The following PDE1A variants were observed in gnomAD, a reference collection of about 807,000 sequenced individuals.
The protein encoded by PDE1A is phosphodiesterase 1A.
PDE1A carries 35 observed loss-of-function variants against 61.7 expected under a neutral mutation model. That is an observed-to-expected ratio of 0.57 (90% CI 0.43 to 0.75). The LOEUF (loss-of-function observed/expected upper bound fraction) is 0.75, where lower values mean the gene tolerates loss of function less well. Among genes scored for constraint, PDE1A ranks in the 30% least tolerant of loss-of-function variants. PDE1A has a pLI of 0.00. For missense variants in PDE1A, 597 were observed against 630.6 expected, an observed-to-expected ratio of 0.95 and a Z score of 0.57; for synonymous variants, 232 against 213.2, an observed-to-expected ratio of 1.09 and a Z score of -0.77.
At chr2:182,326,593 G>C (rs1356419497) in intron 1 of PDE1A, among the ~76,000 whole-genome samples, 1 of 152,174 alleles carries the variant, frequency 6.6e-6, no homozygotes, top group East Asian at 1.9e-4. Context: ...TGGATACAGA[G>C]TTTCAGTTTG....
chr2:182,262,611 T>G (rs1176236128), intron 2 of PDE1A, among the ~76,000 whole-genome samples: 1 of 152,152 alleles, frequency 6.6e-6, no homozygotes, highest in African/African-American at 2.4e-5. Flanking sequence ...TATGCTTTAG[T>G]AGAGGAGTTT....
chr2:182,709,669 T>C, the PDE1A span, among the ~76,000 whole-genome samples: 1 of 151,648 alleles, frequency 6.6e-6, no homozygotes, highest in African/African-American at 2.4e-5. Context: ...ACTGAAAAAA[T>C]GAAATGAAAT....
At chr2:182,327,267 G>A (rs985015650) in intron 1 of PDE1A, among the ~76,000 whole-genome samples, 3 of 152,136 alleles carry the variant, frequency 2.0e-5, no homozygotes, top group South Asian at 2.1e-4. Flanking sequence ...GGAGCAAGTC[G>A]AAGTGTATTG....
chr2:182,660,558 GT>G, the PDE1A span, among the ~76,000 whole-genome samples: 1 of 152,296 alleles, frequency 6.6e-6, no homozygotes, highest in South Asian at 2.1e-4. Flanking sequence ...GGTTACCTTA[GT>G]TGTTCTGACC....
intron 1 of PDE1A, among the ~76,000 whole-genome samples, chr2:182,294,827 A>G (rs1694767250): frequency 6.6e-6 from 1 of 152,126 alleles, no homozygotes; most frequent in Admixed American, 6.5e-5. Context: ...GTGTTTACAG[A>G]GGTGAGCCAT....
the PDE1A span, among the ~76,000 whole-genome samples, chr2:182,552,304 C>G: frequency 6.6e-6 from 1 of 152,050 alleles, no homozygotes; most frequent in Non-Finnish European, 1.5e-5. Flanking sequence ...TAAGCAACTC[C>G]CCAAATTTTC....
chr2:182,621,864 G>T, the PDE1A span, among the ~76,000 whole-genome samples: 1 of 152,116 alleles, frequency 6.6e-6, no homozygotes, highest in Non-Finnish European at 1.5e-5. Flanking sequence ...TACAGGATGT[G>T]AATTACAGTT....
chr2:182,344,108 G>C (rs1211329179), intron 1 of PDE1A, among the ~76,000 whole-genome samples: 3 of 152,102 alleles, frequency 2.0e-5, no homozygotes, highest in South Asian at 2.1e-4. Flanking sequence ...CTGGGTTCAA[G>C]TAATTCTCCT....
the PDE1A span, among the ~76,000 whole-genome samples, chr2:182,640,308 C>A: frequency 6.6e-6 from 1 of 152,154 alleles, no homozygotes; most frequent in Non-Finnish European, 1.5e-5. Context: ...AAATATATTT[C>A]TCTTAGAACT....
At chr2:182,160,388 G>A (rs1443138612) in intron 13 of PDE1A, among the ~76,000 whole-genome samples, 1 of 152,138 alleles carries the variant, frequency 6.6e-6, no homozygotes, top group African/African-American at 2.4e-5. Flanking sequence ...ATGTGGGCAG[G>A]CACCATCCAG....
the PDE1A span, among the ~76,000 whole-genome samples, chr2:182,632,766 C>T: frequency 6.6e-6 from 1 of 152,136 alleles, no homozygotes; most frequent in Admixed American, 6.5e-5. Context: ...TATAAATACA[C>T]AAGTTTACTT....
downstream of PDE1A, among the ~76,000 whole-genome samples, chr2:182,144,680 G>A (rs541534730): frequency 6.6e-6 from 1 of 152,266 alleles, no homozygotes; most frequent in Admixed American, 6.5e-5. Flanking sequence ...TTTCTGTGAT[G>A]GCAGCCAGCA....
chr2:182,366,193 T>A (rs573325703), intron 1 of PDE1A, among the ~76,000 whole-genome samples: 1 of 152,230 alleles, frequency 6.6e-6, no homozygotes, highest in Non-Finnish European at 1.5e-5. Context: ...TTTGACTTTT[T>A]TAGTCCTCTC....
chr2:182,203,370 G>C (rs1190968473), intron 8 of PDE1A, among the ~76,000 whole-genome samples: 3 of 151,944 alleles, frequency 2.0e-5, no homozygotes, highest in African/African-American at 7.3e-5. Context: ...TGAAAATCAT[G>C]AGCACTCAAC....
intron 1 of PDE1A, among the ~76,000 whole-genome samples, chr2:182,327,060 A>AT (rs1168968635): frequency 1.3e-5 from 2 of 152,248 alleles, no homozygotes; most frequent in Non-Finnish European, 2.9e-5. Flanking sequence ...TAATTATTGA[A>AT]TATCTAGCTG....
At chr2:182,371,858 C>T (rs913463564) in intron 1 of PDE1A, among the ~76,000 whole-genome samples, 3 of 152,226 alleles carry the variant, frequency 2.0e-5, no homozygotes, top group Admixed American at 2.0e-4. Context: ...CATCTTGGCT[C>T]ACTGCAACCT....
intron 1 of PDE1A, among the ~76,000 whole-genome samples, chr2:182,393,505 T>C (rs1223039661): frequency 6.6e-6 from 1 of 152,238 alleles, no homozygotes; most frequent in East Asian, 1.9e-4. Flanking sequence ...CCTCATTGCT[T>C]ATGCAAATTT....
the PDE1A span, among the ~76,000 whole-genome samples, chr2:182,651,119 G>A: frequency 6.6e-6 from 1 of 152,026 alleles, no homozygotes; most frequent in Non-Finnish European, 1.5e-5. Flanking sequence ...CAATTCCCCT[G>A]CCTCAGACTC....
chr2:182,496,741 AG>A (rs1303373048), intron 2 of PDE1A, among the ~76,000 whole-genome samples: 1 of 152,256 alleles, frequency 6.6e-6, no homozygotes. Context: ...ATAGGTATCT[AG>A]AGGCAGCGGA....
Sources: allele counts gnomAD v4.1 joint callset (sites outside exome capture counted in the v4.1 genomes callset), GRCh38; gene constraint gnomAD v4.1.1; transcripts MANE v1.5; gene names NCBI Gene and HGNC (gene_info 2026-07-23, HGNC 2026-07-21).